OSBPL8: variants seen among roughly 807,000 people sequenced by gnomAD.
OSBPL8 encodes the protein oxysterol binding protein like 8, also known as oxysterol-binding protein-related protein 8.
In OSBPL8, 59 loss-of-function variants were observed where a neutral mutation model predicts 125.5. The observed-to-expected ratio is 0.47, with a 90% CI of 0.38 to 0.58. The LOEUF (loss-of-function observed/expected upper bound fraction) is 0.58. Among genes scored for constraint, OSBPL8 ranks in the 20% least tolerant of loss-of-function variants. The probability of loss-of-function intolerance (pLI) is 0.00; values close to 1 mark genes in which losing one functional copy is unlikely to be tolerated. For missense variants in OSBPL8, 758 were observed against 1,047.8 expected (o/e 0.72, Z 3.82); for synonymous variants, 330 against 338.9 (o/e 0.97, Z 0.29).
intron 1 of OSBPL8, among the ~76,000 whole-genome samples, chr12:76,543,685 G>A (rs1950706245): frequency 6.6e-6 from 1 of 151,978 alleles, no homozygotes; most frequent in South Asian, 2.1e-4. Flanking sequence ...CACTCCAATG[G>A]GGTAGCTGCC....
chr12:76,392,690 T>C lies in OSBPL8; in HGVS notation c.820A>G (p.Met274Val), dbSNP rs746292426. The C allele has an allele frequency of 9.9e-6, 16 of 1,613,946 alleles. No homozygotes were observed. The Admixed American group carries it at 2.3e-4, about 24-fold the overall frequency. Residue 274 changes from methionine to valine, a missense_variant, in exon 10 of 24, where the codon ATG (methionine) becomes GTG (valine). Coordinates refer to ENST00000261183, the MANE Select transcript of OSBPL8 (RefSeq NM_020841.5). ...TCATGTTCCTTTCCTTCTCTGATCA[T>C]TGTACGTTTAAGAAGACTAGAACAT... is the stretch of plus-strand genomic sequence containing the variant. ...LKCSSLLKRT[M>V]IREGKEHDLS...
intron 2 of OSBPL8, among the ~76,000 whole-genome samples, chr12:76,478,809 G>C (rs2136966875): frequency 6.6e-6 from 1 of 152,288 alleles, no homozygotes; most frequent in Non-Finnish European, 1.5e-5. Flanking sequence ...TAACAGGCCG[G>C]GCACAGTGGC....
chr12:76,552,992 T>C (rs1440624382), intron 1 of OSBPL8, among the ~76,000 whole-genome samples: 1 of 152,204 alleles, frequency 6.6e-6, no homozygotes, highest in African/African-American at 2.4e-5. Context: ...TTACAAGTTA[T>C]TATAATCATA....
At chr12:76,549,441 C>T (rs767564066) in intron 1 of OSBPL8, among the ~76,000 whole-genome samples, 1 of 152,088 alleles carries the variant, frequency 6.6e-6, no homozygotes, top group Non-Finnish European at 1.5e-5. Context: ...TCTTTTGAGA[C>T]GGAGTCTCAC....
At chr12:76,519,984 C>T (rs990023742) in intron 1 of OSBPL8, among the ~76,000 whole-genome samples, 4 of 152,116 alleles carry the variant, frequency 2.6e-5, no homozygotes, top group Non-Finnish European at 5.9e-5. Flanking sequence ...ACAGAAGGAG[C>T]TTATTTAGTA....
intron 1 of OSBPL8, among the ~76,000 whole-genome samples, chr12:76,498,728 T>TA (rs1203564701): frequency 7.0e-6 from 1 of 143,536 alleles, no homozygotes; most frequent in Admixed American, 6.9e-5. Flanking sequence ...CTCCCCACTT[T>TA]TTTTTTTTTT....
intron 2 of OSBPL8, among the ~76,000 whole-genome samples, chr12:76,480,071 G>T (rs1322419664): frequency 6.7e-6 from 1 of 149,868 alleles, no homozygotes; most frequent in Non-Finnish European, 1.5e-5. Context: ...GGAGGCTGAG[G>T]CAGGAGAATC....
intron 5 of OSBPL8, among the ~76,000 whole-genome samples, chr12:76,406,491 G>A (rs1954267224): frequency 6.6e-6 from 1 of 152,132 alleles, no homozygotes; most frequent in Non-Finnish European, 1.5e-5. Context: ...TAATTCCTTT[G>A]GTTGAGATGG....
chr12:76,390,289 T>C (rs1217863709), intron 11 of OSBPL8, 131 bp downstream of exon 11: 5 of 660,226 alleles, frequency 7.6e-6, no homozygotes, highest in Non-Finnish European at 1.3e-5. Context: ...TTCATATGTA[T>C]GCAATTTTTA....
At chr12:76,372,086 G>C (rs1055361034) in intron 18 of OSBPL8, among the ~76,000 whole-genome samples, 1 of 152,038 alleles carries the variant, frequency 6.6e-6, no homozygotes, top group Non-Finnish European at 1.5e-5. Flanking sequence ...TCTTGTGTAG[G>C]CTGGAGTGCA....
intron 1 of OSBPL8, among the ~76,000 whole-genome samples, chr12:76,517,189 T>C (rs1045932512): frequency 1.7e-4 from 26 of 152,228 alleles, no homozygotes; most frequent in African/African-American, 6.0e-4. Flanking sequence ...TCCATATTTA[T>C]GTATTGTACA....
At chr12:76,426,578 A>G in intron 4 of OSBPL8, among the ~76,000 whole-genome samples, 1 of 152,190 alleles carries the variant, frequency 6.6e-6, no homozygotes, top group East Asian at 1.9e-4. Context: ...CAGGAGATAC[A>G]TATAAGAACT....
chr12:76,386,000 T>C (rs924846584), intron 14 of OSBPL8, 168 bp downstream of exon 14: 3 of 883,690 alleles, frequency 3.4e-6, no homozygotes, highest in African/African-American at 3.5e-5. Context: ...CCTATGAATA[T>C]ATTTAGTAGT....
intron 1 of OSBPL8, among the ~76,000 whole-genome samples, chr12:76,495,062 A>T (rs1029872046): frequency 1.4e-4 from 21 of 152,180 alleles, no homozygotes; most frequent in African/African-American, 4.8e-4. Context: ...GCCTCAACAG[A>T]GCTGCCTTCT....
At chr12:76,397,642 AT>A in intron 8 of OSBPL8, 51 bp downstream of exon 8, 8 of 1,524,530 alleles carry the variant, frequency 5.2e-6, no homozygotes, top group Non-Finnish European at 7.2e-6. Flanking sequence ...TCTCAGTTCT[AT>A]TCATGGATTA....
chr12:76,533,156 C>T (rs988096050), intron 1 of OSBPL8, among the ~76,000 whole-genome samples: 4 of 152,062 alleles, frequency 2.6e-5, no homozygotes, highest in Admixed American at 1.3e-4. Flanking sequence ...ACCATATATC[C>T]TATCATAAGA....
intron 11 of OSBPL8, 115 bp from the exon 12 acceptor site, chr12:76,389,944 T>A: frequency 2.6e-6 from 2 of 758,780 alleles, no homozygotes; most frequent in Non-Finnish European, 3.7e-6. Context: ...AAGCATTCTT[T>A]AAATGTGGAA....
chr12:76,453,865 A>C (rs993817827), intron 3 of OSBPL8, among the ~76,000 whole-genome samples: 6 of 152,210 alleles, frequency 3.9e-5, no homozygotes, highest in Non-Finnish European at 8.8e-5. Context: ...GAAAAAGAAC[A>C]TCATAATAGC....
chr12:76,360,960 C>CCT (rs940596703), intron 21 of OSBPL8, among the ~76,000 whole-genome samples: 3 of 152,204 alleles, frequency 2.0e-5, no homozygotes, highest in African/African-American at 7.2e-5. Context: ...GCCATGAAGA[C>CCT]CTGTGACATG....
Sources: allele counts gnomAD v4.1 joint callset (sites outside exome capture counted in the v4.1 genomes callset), GRCh38; gene constraint gnomAD v4.1.1; transcripts MANE v1.5; gene names NCBI Gene and HGNC (gene_info 2026-07-23, HGNC 2026-07-21).